The following MYO5A variants were observed in gnomAD, a reference collection of about 807,000 sequenced individuals.
The protein encoded by MYO5A is myosin VA.
A neutral mutation model predicts 249.7 loss-of-function variants in MYO5A; 98 were observed. The ratio of observed to expected loss-of-function variants is 0.39; its 90% CI spans 0.33 to 0.46. MYO5A has a LOEUF of 0.46. MYO5A is among the 20% of genes least tolerant of loss of function. The pLI, the probability that MYO5A is intolerant of heterozygous loss-of-function variation, is 0.98. For synonymous variants in MYO5A, 778 were observed against 810.6 expected, an observed-to-expected ratio of 0.96 and a Z score of 0.68; for missense variants, 1,696 against 2,308.8, an observed-to-expected ratio of 0.73 and a Z score of 5.44.
chr15:52,486,209 T>C (rs1399571565), intron 1 of MYO5A, among the ~76,000 whole-genome samples: 1 of 152,198 alleles, frequency 6.6e-6, no homozygotes, highest in East Asian at 1.9e-4. Context: ...GTTCTCTGTT[T>C]GCCATGTCCA....
At chr15:52,441,171 T>C (rs1205669000) in intron 1 of MYO5A, among the ~76,000 whole-genome samples, 1 of 152,120 alleles carries the variant, frequency 6.6e-6, no homozygotes, top group Non-Finnish European at 1.5e-5. Context: ...GGAACTACTA[T>C]TCTAAAAGCA....
intron 41 of MYO5A, 53 bp downstream of exon 41, chr15:52,314,070 G>A (rs2037873611): frequency 6.9e-7 from 1 of 1,443,032 alleles, no homozygotes; most frequent in Non-Finnish European, 9.7e-7. Context: ...ATTACAAAAT[G>A]TCCATTCAAA....
At position 52,389,314 on chromosome 15, in the gene MYO5A, T is replaced by C; in HGVS notation, c.1592A>G (p.His531Arg). 6.2e-7 allele frequency: 1 copy of C among 1,613,050 alleles called. No homozygotes were observed. The highest frequency in any genetic ancestry group is 2.2e-5 in the East Asian group (1 of 44,832). Residue 531 changes from histidine to arginine, a missense_variant, in exon 13 of 42, where the codon CAT becomes CGT. Physicochemically the swap from His to Arg is conservative, Grantham distance 29. This residue lies in a region of MYO5A where 277 missense variants were observed against 422.4 expected (regional missense o/e 0.66). Coordinates refer to ENST00000399233, the MANE Select transcript of MYO5A (RefSeq NM_001382347.1). ...TTCAAAGAGTGCACATTTGTTCAAA[T>C]GTGTGTTGTACAATTTTTGGGCCCA... ...DTWAQKLYNT[H>R]LNKCALFEKP...
At position 52,384,310 on chromosome 15, in the gene MYO5A, G is replaced by A. The variant is rs2041886536; in HGVS notation, c.1765C>T (p.Pro589Ser). ...VLKSSKFKML[P>S]ELFQDDEKAI... ...TTCTCATCATCTTGAAATAGTTCTG[G>A]TAGCATCTTAAACTAAGTCAGAAAC... Residue 589 changes from proline (P) to serine (S), a missense_variant, in exon 15 of 42, where the codon CCA (proline) becomes TCA (serine). By Grantham distance (74) the Pro-to-Ser change is moderately conservative. Coordinates refer to ENST00000399233, the MANE Select transcript of MYO5A (RefSeq NM_001382347.1). 1 of 1,614,014 alleles carries A rather than the reference G, an allele frequency of 6.2e-7. No homozygotes were observed. Among genetic ancestry groups the A allele is most frequent in the African/African-American group, 1.3e-5 (1 of 74,922 alleles).
At chr15:52,505,502 G>C (rs1453602809) in intron 1 of MYO5A, 11 of 1,293,472 alleles carry the variant, frequency 8.5e-6, no homozygotes, top group Non-Finnish European at 1.2e-5. Flanking sequence ...GATCTCTCTG[G>C]ATCTGATGAT....
intron 1 of MYO5A, among the ~76,000 whole-genome samples, chr15:52,497,228 T>C (rs1193876432): frequency 6.6e-6 from 1 of 151,978 alleles, no homozygotes; most frequent in Non-Finnish European, 1.5e-5. Context: ...TCCCAAAGTG[T>C]TGGGATTACA....
At chr15:52,331,942 T>A in intron 34 of MYO5A, 1 of 823,204 alleles carries the variant, frequency 1.2e-6, no homozygotes, top group African/African-American at 1.9e-5. Context: ...GGACTAACTC[T>A]AAAGTATATT....
In MYO5A at chr15:52,319,401, CATAT is replaced by C. The variant is rs1277973695; in HGVS notation, c.4952-63_4952-60del. The C allele has an allele frequency of 3.4e-5, 53 of 1,555,858 alleles. No homozygotes were observed. The African/African-American group carries it at 7.1e-4, about 21-fold the overall frequency. On this transcript the variant is annotated intron_variant, in intron 38 of 41. Coordinates refer to ENST00000399233, the MANE Select transcript of MYO5A (RefSeq NM_001382347.1). ...TGTGGAAGGGAACCTTTCATGTGCA[CATAT>C]CCATGTGCACAAACACATGCACATT...
At chr15:52,343,227 AC>A in intron 30 of MYO5A, 30 bp from the exon 31 acceptor site, 1 of 1,562,680 alleles carries the variant, frequency 6.4e-7, no homozygotes, top group Non-Finnish European at 8.8e-7. Flanking sequence ...ACAATGCAAA[AC>A]ACAAAAGGAT....
At chr15:52,399,411 C>T (rs1225750742) in intron 9 of MYO5A, among the ~76,000 whole-genome samples, 1 of 152,104 alleles carries the variant, frequency 6.6e-6, no homozygotes, top group Non-Finnish European at 1.5e-5. Flanking sequence ...GATCCTCCTG[C>T]CTCAGTCTCC....
Position 52,376,454 on chromosome 15 carries a change from G to A in MYO5A, c.2313C>T (p.Ile771=), listed in dbSNP as rs2041420670. The A allele has an allele frequency of 1.2e-6, 2 of 1,614,142 alleles. No homozygotes were observed. The highest frequency in any genetic ancestry group is 1.7e-6 in the Non-Finnish European group (2 of 1,180,026). The change falls in exon 19 of 42, where the codon ATC becomes ATT. Residue 771 remains isoleucine, a synonymous_variant. Coordinates refer to ENST00000399233, the MANE Select transcript of MYO5A (RefSeq NM_001382347.1). Reference sequence around the variant, plus strand: ...ACCCTCGGATGGTCTTCTGGATCCGGATGCAGGCAGCTCTCAGTTTGTCAG... The same window carrying A: ...ACCCTCGGATGGTCTTCTGGATCCGAATGCAGGCAGCTCTCAGTTTGTCAG... ...LRADKLRAAC[I]RIQKTIRGWL...
chr15:52,383,194 T>G lies in MYO5A; in HGVS notation c.1915-6A>C, dbSNP rs772446936. 2 of 1,605,670 alleles carry G rather than the reference T, an allele frequency of 1.2e-6. No individual in the cohort carries two copies. The highest frequency in any genetic ancestry group is 1.7e-6 in the Non-Finnish European group (2 of 1,172,440). Reference sequence around the variant, plus strand: ...AGGTGCAGGGAGTTTCTGAACTGCATGAAAAAGGGCAGAAGAGGGTATCAA... The same window carrying G: ...AGGTGCAGGGAGTTTCTGAACTGCAGGAAAAAGGGCAGAAGAGGGTATCAA... On this transcript the variant is annotated splice_polypyrimidine_tract_variant and splice_region_variant and intron_variant, in intron 15 of 41. Coordinates refer to ENST00000399233, the MANE Select transcript of MYO5A (RefSeq NM_001382347.1).
intron 37 of MYO5A, among the ~76,000 whole-genome samples, chr15:52,322,494 A>G (rs887279368): frequency 1.3e-5 from 2 of 152,344 alleles, no homozygotes; most frequent in East Asian, 1.9e-4. Flanking sequence ...GGGTAAATCA[A>G]TGAGCCCCAG....
intron 1 of MYO5A, among the ~76,000 whole-genome samples, chr15:52,481,789 C>T (rs1035669528): frequency 1.3e-5 from 2 of 152,080 alleles, no homozygotes; most frequent in African/African-American, 2.4e-5. Context: ...CAGAGAGATT[C>T]CCAGGGCTCA....
At chr15:52,503,389 A>G (rs2077197453) in intron 1 of MYO5A, among the ~76,000 whole-genome samples, 1 of 152,140 alleles carries the variant, frequency 6.6e-6, no homozygotes, top group Admixed American at 6.6e-5. Flanking sequence ...TTGGGAGGCC[A>G]AGGTGGGAGG....
intron 19 of MYO5A, among the ~76,000 whole-genome samples, chr15:52,375,862 A>G (rs772147114): frequency 1.3e-5 from 2 of 152,228 alleles, no homozygotes; most frequent in Non-Finnish European, 2.9e-5. Context: ...GGATCTAGCC[A>G]TTATTCATCT....
At position 52,528,798 on chromosome 15, in the gene MYO5A, C is replaced by T; in HGVS notation, c.9G>A (p.Ala3=). 1 of 1,495,016 alleles carries T rather than the reference C, an allele frequency of 6.7e-7. No homozygotes were observed. Among genetic ancestry groups the T allele is most frequent in the Non-Finnish European group, 8.9e-7 (1 of 1,128,754 alleles). 92.6% of individuals were successfully genotyped at this position (1,495,016 alleles called of 1,614,324 possible). A position where few individuals can be genotyped will look rare whatever the true frequency, so the allele number is the denominator to read the frequency against. MA[A]SELYTKFARV... is the part of the protein sequence containing the mutation. ...GCCTTACCTTTGTGTAGAGCTCCGACGCAGCCATGGCGGGCCCCGCGCGCC... is the reference window on the plus strand; with the variant it reads ...GCCTTACCTTTGTGTAGAGCTCCGATGCAGCCATGGCGGGCCCCGCGCGCC... The change falls in exon 1 of 42, where the codon GCG becomes GCA. Residue 3 remains alanine, a synonymous_variant. Transcript: ENST00000399233.
intron 8 of MYO5A, among the ~76,000 whole-genome samples, 168 bp from the exon 9 acceptor site, chr15:52,405,561 T>C (rs1161496469): frequency 6.6e-6 from 1 of 152,238 alleles, no homozygotes; most frequent in Non-Finnish European, 1.5e-5. Flanking sequence ...ATTAACACAT[T>C]AGGCAGTTTA....
At chr15:52,480,900 C>T (rs1289076504) in intron 1 of MYO5A, among the ~76,000 whole-genome samples, 2 of 152,178 alleles carry the variant, frequency 1.3e-5, no homozygotes, top group African/African-American at 4.8e-5. Flanking sequence ...TTAACAAGTA[C>T]TTACTGAGTA....
Sources: gnomAD v4.1 joint callset for allele counts (sites outside exome capture counted in the v4.1 genomes callset) on GRCh38, gnomAD v4.1.1 for gene constraint, gnomAD v4.1.1 regional missense constraint, MANE v1.5 for transcripts, NCBI Gene and HGNC (gene_info 2026-07-23, HGNC 2026-07-21) for gene names.